WDR17: variants seen among roughly 807,000 people sequenced by gnomAD.
The protein encoded by WDR17 is WD repeat domain 17, also known as WD repeat-containing protein 17.
Under a neutral mutation model 161.7 loss-of-function variants are expected in WDR17, and 143 were observed. That is an observed-to-expected ratio of 0.88 (90% CI 0.77 to 1.02). WDR17 has a LOEUF of 1.02. Among genes scored for constraint, WDR17 ranks in the 50% least tolerant of loss-of-function variants. The probability of loss-of-function intolerance (pLI) is 0.00; values close to 1 mark genes in which losing one functional copy is unlikely to be tolerated. For synonymous variants in WDR17, 517 were observed against 515.6 expected (o/e 1.00, Z -0.04); for missense variants, 1,469 against 1,520.9 (o/e 0.97, Z 0.57).
chr4:176,073,913 A>G (rs201258292), intron 1 of WDR17, among the ~76,000 whole-genome samples: 75,262 of 146,136 alleles, frequency 0.52, 20,761 homozygotes, highest in South Asian at 0.62. Flanking sequence ...CTTTTGAGAA[A>G]TGTCTGTTCA....
chr4:176,082,914 T>C (rs1175960058), intron 1 of WDR17, among the ~76,000 whole-genome samples: 1 of 152,080 alleles, frequency 6.6e-6, no homozygotes, highest in Non-Finnish European at 1.5e-5. Context: ...GAAAAGCTTA[T>C]ACTTTTTCTG....
intron 3 of WDR17, among the ~76,000 whole-genome samples, chr4:176,119,486 G>A (rs565527970): frequency 1.9e-4 from 29 of 152,052 alleles, no homozygotes; most frequent in Admixed American, 5.2e-4. Context: ...TCTAAAGCAG[G>A]AATCTTATCC....
chr4:176,165,817 C>T (rs1749690295), intron 22 of WDR17, among the ~76,000 whole-genome samples: 1 of 152,114 alleles, frequency 6.6e-6, no homozygotes, highest in Non-Finnish European at 1.5e-5. Flanking sequence ...TAAGAAAAAA[C>T]AAACTTCTTC....
intron 18 of WDR17, among the ~76,000 whole-genome samples, chr4:176,156,970 T>C (rs1359166525): frequency 2.6e-5 from 4 of 152,194 alleles, no homozygotes; most frequent in African/African-American, 9.7e-5. Flanking sequence ...TCATGAGTCA[T>C]ATTGGATTGA....
At chr4:176,099,431 G>C (rs1326774731) in intron 1 of WDR17, among the ~76,000 whole-genome samples, 1 of 152,092 alleles carries the variant, frequency 6.6e-6, no homozygotes, top group Non-Finnish European at 1.5e-5. Flanking sequence ...CAGTAATGGG[G>C]GTGGCGGGGG....
At chr4:176,135,384 T>C in intron 8 of WDR17, 108 bp downstream of exon 8, 1 of 1,300,416 alleles carries the variant, frequency 7.7e-7, no homozygotes, top group Non-Finnish European at 1.1e-6. Flanking sequence ...TCTAAATGAA[T>C]GTAGAGCAAA....
intron 23 of WDR17, 51 bp downstream of exon 23, chr4:176,168,834 A>G: frequency 6.4e-7 from 1 of 1,570,352 alleles, no homozygotes; most frequent in Non-Finnish European, 8.6e-7. Context: ...GCTATGATTT[A>G]ATTAATTGTA....
At chr4:176,164,103 G>A (rs1749433238) in intron 22 of WDR17, among the ~76,000 whole-genome samples, 1 of 152,090 alleles carries the variant, frequency 6.6e-6, no homozygotes, top group African/African-American at 2.4e-5. Context: ...AGGTGGTAAT[G>A]ATAATAATAA....
chr4:176,113,759 C>T (rs1346545143), intron 2 of WDR17, among the ~76,000 whole-genome samples: 5 of 151,844 alleles, frequency 3.3e-5, no homozygotes, highest in South Asian at 2.1e-4. Context: ...GTCTGATAAT[C>T]GGTCACACTC....
At chr4:176,122,178 G>C (rs1741697574) in intron 4 of WDR17, among the ~76,000 whole-genome samples, 1 of 152,186 alleles carries the variant, frequency 6.6e-6, no homozygotes, top group African/African-American at 2.4e-5. Context: ...GCTTGTGGCA[G>C]TATAACTGCA....
Position 176,137,493 on chromosome 4 carries a change from ATAATGTC to A in WDR17, c.1268-23_1268-17del. The A allele has an allele frequency of 6.5e-7, 1 of 1,539,124 alleles. No individual in the cohort carries two copies. Among genetic ancestry groups the A allele is most frequent in the African/African-American group, 1.4e-5 (1 of 73,548 alleles). On this transcript the variant is annotated intron_variant, in intron 8 of 28. Transcript: ENST00000508596. ...ATTACATTTGTGGGAAACATTTAGTATAATGTCTAACAAATTGTTTCCTAAGGTGGTT... is the reference window on the plus strand; with the variant it reads ...ATTACATTTGTGGGAAACATTTAGTATAACAAATTGTTTCCTAAGGTGGTT...
intron 1 of WDR17, among the ~76,000 whole-genome samples, chr4:176,103,113 A>G (rs1028777150): frequency 2.0e-5 from 3 of 152,066 alleles, no homozygotes; most frequent in African/African-American, 7.2e-5. Context: ...GAATCCCTTA[A>G]TTTTTTTCTT....
At chr4:176,074,235 G>A (rs71613777) in intron 1 of WDR17, among the ~76,000 whole-genome samples, 28,900 of 151,472 alleles carry the variant, frequency 0.19, 3,048 homozygotes, top group South Asian at 0.27. Context: ...ATGGTTTTAG[G>A]TCTAACATGT....
chr4:176,076,380 T>TA (rs35960622), intron 1 of WDR17, among the ~76,000 whole-genome samples: 133,908 of 139,304 alleles, frequency 0.96, 64,632 homozygotes, highest in East Asian at 1. Context: ...AGTCTTTTTT[T>TA]AACCCAGTAA....
intron 1 of WDR17, among the ~76,000 whole-genome samples, chr4:176,082,493 A>G (rs1348985014): frequency 6.6e-6 from 1 of 152,066 alleles, no homozygotes; most frequent in African/African-American, 2.4e-5. Flanking sequence ...GCAACATTAC[A>G]GTGGCTTAAA....
At chr4:176,158,953 A>T (rs1223434020) in intron 18 of WDR17, among the ~76,000 whole-genome samples, 1 of 152,176 alleles carries the variant, frequency 6.6e-6, no homozygotes, top group Non-Finnish European at 1.5e-5. Flanking sequence ...CTTTCTAAAC[A>T]GCTATAACAA....
At chr4:176,066,453 T>G (rs1052902088) in intron 1 of WDR17, among the ~76,000 whole-genome samples, 1 of 152,230 alleles carries the variant, frequency 6.6e-6, no homozygotes, top group Non-Finnish European at 1.5e-5. Flanking sequence ...ATAGATCATT[T>G]ACCCCTTTGA....
In WDR17 at chr4:176,077,532, T is replaced by C. The variant is rs188272764; in HGVS notation, c.-7+11453T>C. Among the ~76,000 whole-genome samples, 4 of 152,254 alleles carry C rather than the reference T, an allele frequency of 2.6e-5. No homozygotes were observed. The East Asian group carries it at 7.7e-4, about 29-fold the overall frequency. On this transcript the variant is annotated intron_variant, in intron 1 of 28. Transcript: ENST00000508596. ...GTGTTTAGAGGAAATTCCTCCCAGA[T>C]TAAAATGTCGCTGATGCTGAAACCT...
At chr4:176,148,658 GC>G (rs1746586099) in intron 13 of WDR17, among the ~76,000 whole-genome samples, 2 of 152,252 alleles carry the variant, frequency 1.3e-5, no homozygotes, top group South Asian at 4.1e-4. Flanking sequence ...TACATGTATG[GC>G]TTTTGTTTTT....
Sources: gnomAD v4.1 joint callset for allele counts (sites outside exome capture counted in the v4.1 genomes callset) on GRCh38, gnomAD v4.1.1 for gene constraint, MANE v1.5 for transcripts, NCBI Gene and HGNC (gene_info 2026-07-23, HGNC 2026-07-21) for gene names.